The following RBMS3 variants were observed in gnomAD, a reference collection of about 807,000 sequenced individuals.
RBMS3 encodes RNA-binding motif, single-stranded-interacting protein 3.
Under a neutral mutation model 66.8 loss-of-function variants are expected in RBMS3, and 27 were observed. The ratio of observed to expected loss-of-function variants is 0.40; its 90% CI spans 0.30 to 0.56. RBMS3 has a LOEUF of 0.56. Among genes scored for constraint, RBMS3 ranks in the 20% least tolerant of loss-of-function variants. The pLI, the probability that RBMS3 is intolerant of heterozygous loss-of-function variation, is 0.40. For missense variants in RBMS3, 513 were observed against 549.5 expected (o/e 0.93, Z 0.66); for synonymous variants, 188 against 183.0 (o/e 1.03, Z -0.22).
At chr3:29,792,104 C>A (rs1161702841) in intron 6 of RBMS3, among the ~76,000 whole-genome samples, 1 of 152,088 alleles carries the variant, frequency 6.6e-6, no homozygotes, top group Admixed American at 6.6e-5. Flanking sequence ...GACCAGAATT[C>A]ATTTTTATAA....
intron 1 of RBMS3, among the ~76,000 whole-genome samples, chr3:29,410,663 G>T (rs2040226222): frequency 6.6e-6 from 1 of 152,156 alleles, no homozygotes; most frequent in African/African-American, 2.4e-5. Context: ...AAACTTCAAA[G>T]GGTGGTGAAG....
chr3:29,851,086 T>A (rs548539073), intron 6 of RBMS3, among the ~76,000 whole-genome samples: 1 of 152,360 alleles, frequency 6.6e-6, no homozygotes, highest in African/African-American at 2.4e-5. Flanking sequence ...TATTACTTCC[T>A]CTTCTGTCAG....
intron 6 of RBMS3, among the ~76,000 whole-genome samples, chr3:29,782,826 A>G (rs1254767352): frequency 6.6e-6 from 1 of 152,186 alleles, no homozygotes; most frequent in Non-Finnish European, 1.5e-5. Flanking sequence ...CACAGACAGC[A>G]TAAATAAAAA....
chr3:29,734,847 T>C (rs778829772), intron 4 of RBMS3, among the ~76,000 whole-genome samples: 4 of 152,144 alleles, frequency 2.6e-5, no homozygotes, highest in Admixed American at 6.6e-5. Context: ...CCTTTTATTT[T>C]ATTTTCTATT....
chr3:29,730,913 T>A (rs989498663), intron 4 of RBMS3: 1 of 985,228 alleles, frequency 1.0e-6, no homozygotes, highest in Admixed American at 6.1e-5. Flanking sequence ...TCAGGGCTGA[T>A]AACTGGTGAT....
At chr3:29,994,802 A>G (rs1699110107) in intron 14 of RBMS3, among the ~76,000 whole-genome samples, 2 of 151,954 alleles carry the variant, frequency 1.3e-5, no homozygotes, top group South Asian at 4.2e-4. Context: ...CCAAAAGTAG[A>G]TAAAACCACA....
chr3:29,377,925 G>A (rs899788041), intron 1 of RBMS3, among the ~76,000 whole-genome samples: 1 of 152,126 alleles, frequency 6.6e-6, no homozygotes, highest in East Asian at 1.9e-4. Context: ...AGAATAAAAT[G>A]GCTCTTGCTA....
At chr3:29,802,573 T>C (rs1344470182) in intron 6 of RBMS3, among the ~76,000 whole-genome samples, 2 of 152,224 alleles carry the variant, frequency 1.3e-5, no homozygotes, top group African/African-American at 4.8e-5. Flanking sequence ...TCCTGACAAA[T>C]AGCATGTGCC....
intron 4 of RBMS3, among the ~76,000 whole-genome samples, chr3:29,702,735 G>GTGAA (rs1454420049): frequency 6.6e-6 from 1 of 152,116 alleles, no homozygotes; most frequent in East Asian, 1.9e-4. Context: ...AACACTCACC[G>GTGAA]TGAAGGTCTG....
At chr3:29,798,929 G>GTTTTTTT (rs368923260) in intron 6 of RBMS3, among the ~76,000 whole-genome samples, 1 of 127,702 alleles carries the variant, frequency 7.8e-6, no homozygotes, top group African/African-American at 2.9e-5. Context: ...GTACCCTCTG[G>GTTTTTTT]TTTTTTTTTT....
Position 29,494,462 on chromosome 3 carries a change from A to G in RBMS3, c.307+5963A>G, listed in dbSNP as rs189789591. On this transcript the variant is annotated intron_variant, in intron 3 of 14. Transcript: ENST00000383767. ...AACATACAACAAAGCAGTCACCATC[A>G]AGCCAAAATGACCAGAAATTGCTGA... Among the ~76,000 whole-genome samples the G allele has an allele frequency of 1.1e-4, 16 of 152,332 alleles. No homozygotes were observed. In the East Asian group the frequency reaches 3.1e-3, roughly 29 times the overall value.
rs1206126499 is a variant in RBMS3 at position 29,803,661 on chromosome 3, G to A, written c.637+40672G>A. Among the ~76,000 whole-genome samples, 6 of 151,882 alleles carry A rather than the reference G, an allele frequency of 4.0e-5. 1 individual carries two copies. Among genetic ancestry groups the A allele is most frequent in the Admixed American group, 3.9e-4 (6 of 15,234 alleles). ...ATATATTATATGTATACTGTTATAT[G>A]TAATATAACATTAGATATGTAAAAT... On this transcript the variant is annotated intron_variant, in intron 6 of 14. Transcript: ENST00000383767.
At chr3:30,001,524 G>A (rs111801877) in intron 14 of RBMS3, among the ~76,000 whole-genome samples, 1 of 151,714 alleles carries the variant, frequency 6.6e-6, no homozygotes, top group Non-Finnish European at 1.5e-5. Flanking sequence ...CTCAACCCTG[G>A]TATTGCAAGT....
intron 4 of RBMS3, among the ~76,000 whole-genome samples, chr3:29,635,035 C>T (rs2049424850): frequency 6.6e-6 from 1 of 151,896 alleles, no homozygotes. Context: ...CAAATCACTA[C>T]CAGACAAGTT....
Position 29,796,712 on chromosome 3 carries a change from C to CTTTTTTTTTTTTTTTTTTTTTTTT in RBMS3, c.637+33740_637+33741insTTTTTTTTTTTTTTTTTTTTTTTT, listed in dbSNP as rs71295051. On this transcript the variant is annotated intron_variant, in intron 6 of 14. Coordinates refer to ENST00000383767, the MANE Select transcript of RBMS3 (RefSeq NM_001003793.3). Reference sequence around the variant, plus strand: ...TGAGAAGTAATATTTTGAAAGGAATCTTTTTTTTTTTTTTTTTGGAGATGG... The same window carrying CTTTTTTTTTTTTTTTTTTTTTTTT: ...TGAGAAGTAATATTTTGAAAGGAATCTTTTTTTTTTTTTTTTTTTTTTTTTTTTTTTTTTTTTTTTTGGAGATGG... Among the ~76,000 whole-genome samples the CTTTTTTTTTTTTTTTTTTTTTTTT allele has an allele frequency of 8.7e-5, 10 of 115,276 alleles. 1 individual carries two copies. Among genetic ancestry groups the CTTTTTTTTTTTTTTTTTTTTTTTT allele is most frequent in the African/African-American group, 3.3e-4 (9 of 27,144 alleles). 75.6% of individuals were successfully genotyped at this position (115,276 alleles called of 152,430 possible).
chr3:29,880,684 A>T, intron 7 of RBMS3: 1 of 1,198,408 alleles, frequency 8.3e-7, no homozygotes, highest in Non-Finnish European at 1.2e-6. Context: ...GTTAAGTTCA[A>T]ACAACCCTTT....
chr3:29,898,736 C>CGTGTGTGT (rs3072651), intron 9 of RBMS3, among the ~76,000 whole-genome samples: 4,310 of 142,568 alleles, frequency 0.03, 98 homozygotes, highest in African/African-American at 0.044. Flanking sequence ...TTGTAATGTG[C>CGTGTGTGT]GTGTGTGTGT....
At chr3:29,310,849 T>C (rs2034331146) in intron 1 of RBMS3, among the ~76,000 whole-genome samples, 1 of 151,810 alleles carries the variant, frequency 6.6e-6, no homozygotes, top group African/African-American at 2.4e-5. Flanking sequence ...GTTCATCTGT[T>C]ATTCTATTTT....
chr3:29,306,822 C>G (rs1299793238), intron 1 of RBMS3, among the ~76,000 whole-genome samples: 4 of 151,744 alleles, frequency 2.6e-5, no homozygotes, highest in Non-Finnish European at 5.9e-5. Flanking sequence ...TCTTTTTGCC[C>G]TGTTTCTACC....
Sources: allele counts gnomAD v4.1 joint callset (sites outside exome capture counted in the v4.1 genomes callset), GRCh38; gene constraint gnomAD v4.1.1; transcripts MANE v1.5; gene names NCBI Gene and HGNC (gene_info 2026-07-23, HGNC 2026-07-21).